Variants in SIAE observed in about 807,000 individuals in gnomAD.
The protein encoded by SIAE is sialate O-acetylesterase.
A neutral mutation model predicts 52.6 loss-of-function variants in SIAE; 39 were observed. The ratio of observed to expected loss-of-function variants is 0.74; its 90% CI spans 0.57 to 0.97. The LOEUF (loss-of-function observed/expected upper bound fraction) is 0.97, where lower values mean the gene tolerates loss of function less well. SIAE is among the 50% of genes least tolerant of loss of function. The pLI is 0.00. For synonymous variants in SIAE, 233 were observed against 241.4 expected (o/e 0.97, Z 0.32); for missense variants, 592 against 662.1 (o/e 0.89, Z 1.16).
At chr11:124,650,279 G>C (rs891682675) in intron 4 of SIAE, among the ~76,000 whole-genome samples, 1 of 152,136 alleles carries the variant, frequency 6.6e-6, no homozygotes, top group Middle Eastern at 3.4e-3. Flanking sequence ...GCAGACTCTC[G>C]GATAATCAAT....
intron 5 of SIAE, 129 bp from the exon 6 acceptor site, chr11:124,648,304 A>C (rs1942970139): frequency 5.6e-6 from 4 of 710,382 alleles, no homozygotes; most frequent in East Asian, 5.4e-5. Context: ...ATTAAAATTG[A>C]ATCGAAACTC....
At chr11:124,646,200 T>C (rs1942931472) in intron 7 of SIAE, among the ~76,000 whole-genome samples, 1 of 152,266 alleles carries the variant, frequency 6.6e-6, no homozygotes, top group Admixed American at 6.5e-5. Context: ...TATGCAAGGC[T>C]GAAAGCAGAA....
chr11:124,648,225 C>T (rs1337533465), intron 5 of SIAE, 50 bp from the exon 6 acceptor site: 3 of 1,394,086 alleles, frequency 2.2e-6, no homozygotes, highest in Non-Finnish European at 3.1e-6. Flanking sequence ...TGATTGATCA[C>T]ATAAGGGTCC....
intron 9 of SIAE, 39 bp from the exon 10 acceptor site, chr11:124,637,241 A>C (rs1565406620): frequency 6.2e-7 from 1 of 1,613,738 alleles, no homozygotes; most frequent in East Asian, 2.2e-5. Flanking sequence ...ATTAGGTCAG[A>C]AGGGTCTTCC....
upstream of SIAE, chr11:124,674,401 C>T (rs1225468352): frequency 6.6e-6 from 1 of 152,222 alleles, no homozygotes; most frequent in Non-Finnish European, 1.5e-5. Context: ...TAGTCTGAGC[C>T]TCATTAAACC....
At chr11:124,638,091 C>T (rs957258632) in intron 9 of SIAE, among the ~76,000 whole-genome samples, 1 of 152,304 alleles carries the variant, frequency 6.6e-6, no homozygotes. Flanking sequence ...TATTGTCACA[C>T]TAAGTTACAA....
rs149230460 is a variant in SIAE, at chr11:124,639,603, C to CTCT, written c.1124+104_1124+106dup. 13,484 of 1,451,630 alleles carry CTCT rather than the reference C, an allele frequency of 9.3e-3. 989 individuals are homozygous for CTCT. In the African/African-American group the frequency reaches 0.16, roughly 17 times the overall value. The allele number at this position is 1,451,630 out of a possible 1,614,324, so 89.9% of individuals were successfully genotyped here. A position where few individuals can be genotyped will look rare whatever the true frequency, so the allele number is the denominator to read the frequency against. ...CTGCAGCACACCCCAGCATACGTGA[C>CTCT]TCTTAAGTGCCAATCCTCAGTCTAA... On this transcript the variant is annotated intron_variant, in intron 8 of 9. Transcript: ENST00000263593.
Position 124,639,710 on chromosome 11 carries a change from C to T in SIAE, c.1124G>A (p.Ser375Asn), listed in dbSNP as rs748501578. ...TGCAAAGCCCAAGAAGCAATCATAC[C>T]TGCCAAAAGGCGAGTCTCTATCACA... ...DLCDRDSPFG[S>N]IHPRDKQTVA... is the part of the protein sequence containing the mutation. Residue 375 changes from serine (S) to asparagine (N), a missense_variant and splice_region_variant, in exon 8 of 10, where the codon AGC (serine) becomes AAC (asparagine). Coordinates refer to ENST00000263593, the MANE Select transcript of SIAE (RefSeq NM_170601.5). 2 of 1,614,022 alleles carry T rather than the reference C, an allele frequency of 1.2e-6. No individual in the cohort carries two copies. Among genetic ancestry groups the T allele is most frequent in the Non-Finnish European group, 1.7e-6 (2 of 1,179,918 alleles).
At chr11:124,664,212 G>A (rs1016020757) in intron 2 of SIAE, among the ~76,000 whole-genome samples, 1 of 151,894 alleles carries the variant, frequency 6.6e-6, no homozygotes, top group African/African-American at 2.4e-5. Context: ...TCATGTCTAG[G>A]GTTAGCATTT....
chr11:124,644,080 G>A (rs1383363992), intron 7 of SIAE, among the ~76,000 whole-genome samples: 1 of 152,112 alleles, frequency 6.6e-6, no homozygotes, highest in East Asian at 1.9e-4. Flanking sequence ...AATAATAACA[G>A]AAAGGAGCCT....
chr11:124,653,770 G>A lies in SIAE; in HGVS notation c.544+885C>T, dbSNP rs77060286. Among the ~76,000 whole-genome samples, 867 of 152,304 alleles carry A rather than the reference G, an allele frequency of 5.7e-3. 13 individuals carry two copies. Among genetic ancestry groups the A allele is most frequent in the African/African-American group, 0.02 (818 of 41,562 alleles). ...GCGATGTTTACTGTTGTTTTGTTTT[G>A]TTTTATTTTGTGAGAATAGAAGAAA... On this transcript the variant is annotated intron_variant, in intron 4 of 9. Coordinates refer to ENST00000263593, the MANE Select transcript of SIAE (RefSeq NM_170601.5).
upstream of SIAE, chr11:124,674,967 G>T (rs1445513379): frequency 1.9e-5 from 4 of 216,076 alleles, no homozygotes; most frequent in Non-Finnish European, 3.6e-5. Flanking sequence ...CATATAAAGG[G>T]TAAAGAGAGA....
At chr11:124,643,479 A>T (rs7940161) in intron 7 of SIAE, among the ~76,000 whole-genome samples, 20,010 of 152,160 alleles carry the variant, frequency 0.13, 3,364 homozygotes, top group African/African-American at 0.39. Context: ...AGGCAATAAT[A>T]CAAGGGAGAG....
Position 124,670,797 on chromosome 11 carries a change from A to G in SIAE, c.68-1276T>C, listed in dbSNP as rs1565419563. Among the ~76,000 whole-genome samples, 1 of 152,234 alleles carries G rather than the reference A, an allele frequency of 6.6e-6. No individual in the cohort carries two copies. Among genetic ancestry groups the G allele is most frequent in the Non-Finnish European group, 1.5e-5 (1 of 68,046 alleles). The stretch of plus-strand genomic sequence containing the variant: ...ATCAAGAAACCTACATGACAATGAA[A>G]GATCACCCAGAAGGCCTACTGGGCT... On this transcript the variant is annotated intron_variant, in intron 1 of 9. Transcript: ENST00000263593. The surrounding 1 kb of genome is among the most constrained non-coding windows in gnomAD (Gnocchi z 4.5).
In SIAE at chr11:124,637,004, T is replaced by C. The variant is rs1301182627; in HGVS notation, c.1519A>G (p.Ile507Val). The change falls in exon 10 of 10, where the codon ATT (isoleucine) becomes GTT (valine). Residue 507 changes from isoleucine to valine, a missense_variant. Transcript: ENST00000263593. Reference protein sequence around the residue: ...PSSALPAPPFIAFITDQGPGH... With the variant: ...PSSALPAPPFVAFITDQGPGH... The stretch of plus-strand genomic sequence containing the variant: ...GGACCCTGGTCTGTAATGAAAGCAA[T>C]GAAGGGAGGGGCTGGCAGGGCACTA... The C allele has an allele frequency of 1.2e-6, 2 of 1,613,944 alleles. No individual in the cohort carries two copies. Among genetic ancestry groups the C allele is most frequent in the African/African-American group, 2.7e-5 (2 of 74,870 alleles).
chr11:124,637,296 A>G (rs1404482029), intron 9 of SIAE, 94 bp from the exon 10 acceptor site: 6 of 1,561,700 alleles, frequency 3.8e-6, no homozygotes, highest in Non-Finnish European at 5.3e-6. Context: ...ATGGGAGGAA[A>G]GGAGACACTC....
chr11:124,652,514 G>C (rs1477139052), intron 4 of SIAE, among the ~76,000 whole-genome samples: 1 of 152,004 alleles, frequency 6.6e-6, no homozygotes, highest in Admixed American at 6.5e-5. Context: ...GGCCAACATA[G>C]TGAAACCCCG....
At chr11:124,654,177 CAAAAAAAAGAAAAAG>C in intron 4 of SIAE, 2 of 968,212 alleles carry the variant, frequency 2.1e-6, no homozygotes, top group Non-Finnish European at 2.5e-6. Context: ...GACTCCGTCT[CAAAAAAAAGAAAAAG>C]AAAAAAAAGA....
intron 8 of SIAE, among the ~76,000 whole-genome samples, chr11:124,638,945 A>C (rs1942798826): frequency 6.6e-6 from 1 of 152,162 alleles, no homozygotes. Context: ...GAAACCTTGA[A>C]ATAATAGATG....
Sources: allele counts gnomAD v4.1 joint callset (sites outside exome capture counted in the v4.1 genomes callset), GRCh38; gene constraint gnomAD v4.1.1; non-coding constraint Gnocchi (gnomAD v3.1); transcripts MANE v1.5; gene names NCBI Gene and HGNC (gene_info 2026-07-23, HGNC 2026-07-21).